ZNF576: variants seen among roughly 807,000 people sequenced by gnomAD.
ZNF576 encodes the protein zinc finger protein 576.
A neutral mutation model predicts 10.8 loss-of-function variants in ZNF576; 9 were observed. The observed-to-expected ratio is 0.84, with a 90% CI of 0.50 to 1.46. ZNF576 has a LOEUF of 1.46. ZNF576 is among the 40% of genes most tolerant of loss of function. The pLI, the probability that ZNF576 is intolerant of heterozygous loss-of-function variation, is 0.00. For synonymous variants in ZNF576, 88 were observed against 89.6 expected, an observed-to-expected ratio of 0.98 and a Z score of 0.10; for missense variants, 191 against 233.7, an observed-to-expected ratio of 0.82 and a Z score of 1.19.
chr19:43,598,926 T>C lies in ZNF576; in HGVS notation c.181T>C (p.Phe61Leu). 6.2e-7 allele frequency: 1 copy of C among 1,613,684 alleles called. No homozygotes were observed. Among genetic ancestry groups the C allele is most frequent in the Non-Finnish European group, 8.5e-7 (1 of 1,179,662 alleles). The stretch of plus-strand genomic sequence containing the variant: ...CATGAAGCGGGAGCACCCAGCGGAC[T>C]TCGTGGCCCAGAAGCTGCAGGGGGT... ...RHMKREHPAD[F>L]VAQKLQGVLF... is the part of the protein sequence containing the mutation. Residue 61 changes from phenylalanine (F) to leucine (L), a missense_variant, in exon 3 of 3, where the codon TTC becomes CTC. Physicochemically the swap from Phe to Leu is conservative, Grantham distance 22. Transcript: ENST00000336564.
At position 43,599,527 on chromosome 19, in the gene ZNF576, GGTTT is replaced by G; in HGVS notation, c.*272_*275del. On this transcript the variant is annotated 3_prime_UTR_variant, in exon 3 of 3. Transcript: ENST00000336564. ...TGGGAAGGGAGTGCGGGAGAGAAAT[GGTTT>G]GTGTCTCCCTTATTCCCAGTTAAAT... 2.1e-6 allele frequency: 1 copy of G among 474,228 alleles called. No individual in the cohort carries two copies. Among genetic ancestry groups the G allele is most frequent in the Non-Finnish European group, 3.7e-6 (1 of 267,008 alleles). The allele number at this position is 474,228 out of a possible 1,614,324, so 29.4% of individuals were successfully genotyped here.
rs752847330 is a variant in ZNF576, at chr19:43,597,182, G to A, written c.74G>A (p.Gly25Glu). The A allele has an allele frequency of 6.2e-7, 1 of 1,614,110 alleles. No individual in the cohort carries two copies. Among genetic ancestry groups the A allele is most frequent in the Non-Finnish European group, 8.5e-7 (1 of 1,179,994 alleles). Reference protein sequence around the residue: ...SPKERSPQSPGGNICHLGAPK... With the variant: ...SPKERSPQSPEGNICHLGAPK... ...AAGGAGAGAAGTCCCCAGAGCCCAG[G>A]AGGCAACATCTGTGAGTACACATGG... Residue 25 changes from glycine to glutamate, a missense_variant, in exon 2 of 3, where the codon GGA (glycine) becomes GAA (glutamate). Coordinates refer to ENST00000336564, the MANE Select transcript of ZNF576 (RefSeq NM_001145347.2).
rs768221403 is a variant in ZNF576, at chr19:43,597,116, A to G, written c.8A>G (p.Asp3Gly). The change falls in exon 2 of 3, where the codon GAC becomes GGC. Residue 3 changes from aspartate to glycine, a missense_variant. By Grantham distance (94) the Asp-to-Gly change is moderately conservative (BLOSUM62 -1). Coordinates refer to ENST00000336564, the MANE Select transcript of ZNF576 (RefSeq NM_001145347.2). The part of the protein sequence containing the change: ME[D>G]PNPEENMKQQ... ...TAGAAGGGTCCCAGCACCATGGAGG[A>G]CCCGAACCCTGAAGAGAACATGAAG... 2 of 1,614,038 alleles carry G rather than the reference A, an allele frequency of 1.2e-6. No individual in the cohort carries two copies. The highest frequency in any genetic ancestry group is 1.6e-4 in the Middle Eastern group (1 of 6,062).
At chr19:43,597,230 G>C in intron 2 of ZNF576, 37 bp downstream of exon 2, 1 of 1,588,106 alleles carries the variant, frequency 6.3e-7, no homozygotes, top group Non-Finnish European at 8.6e-7. Context: ...AGGAGGGTGG[G>C]GTGCAGGAGC....
Position 43,597,228 on chromosome 19 carries a change from G to C in ZNF576, c.85+35G>C, listed in dbSNP as rs199533255. The stretch of plus-strand genomic sequence containing the variant: ...CATGGCTGGCGGGCTAGAGGAGGGT[G>C]GGGTGCAGGAGCTGATGCTAAGATC... On this transcript the variant is annotated intron_variant, in intron 2 of 2. Coordinates refer to ENST00000336564, the MANE Select transcript of ZNF576 (RefSeq NM_001145347.2). 4.5e-3 allele frequency: 7,124 copies of C among 1,591,538 alleles called. 18 individuals carry two copies. The highest frequency in any genetic ancestry group is 5.4e-3 in the Non-Finnish European group (6,229 of 1,159,704).
Position 43,599,013 on chromosome 19 carries a change from C to T in ZNF576, c.268C>T (p.Gln90Ter), listed in dbSNP as rs1973180133. ...CTCCTCCAAAGCCCTAATCACCCAC[C>T]AGCGCAGCCACGGTCCAGCCGCCAA... ...FPSSKALITHQRSHGPAAKPT... is the reference protein window; with the variant it reads ...FPSSKALITH Residue 90 changes from glutamine to a stop codon, truncating the protein, a stop_gained, in exon 3 of 3, where the codon CAG (glutamine) becomes TAG (stop). Transcript: ENST00000336564. LOFTEE classifies it high-confidence loss of function. The T allele has an allele frequency of 3.1e-6, 5 of 1,614,220 alleles. No individual in the cohort carries two copies. Among genetic ancestry groups the T allele is most frequent in the African/African-American group, 1.3e-5 (1 of 75,054 alleles).
In ZNF576 at chr19:43,600,988, T is replaced by A. The variant is rs1426997115; in HGVS notation, c.*1730T>A. On this transcript the variant is annotated 3_prime_UTR_variant, in exon 3 of 3. Transcript: ENST00000336564. ...ACAAGATAGGAGCCTGGGTCTCTCG[T>A]CAATTTCAAGGAGCACAGCCACCAT... 1 of 152,158 alleles carries A rather than the reference T, an allele frequency of 6.6e-6. No individual in the cohort carries two copies. The highest frequency in any genetic ancestry group is 1.5e-5 in the Non-Finnish European group (1 of 68,034). 9.4% of individuals were successfully genotyped at this position (152,158 alleles called of 1,614,324 possible). A position where few individuals can be genotyped will look rare whatever the true frequency, so the allele number is the denominator to read the frequency against.
In ZNF576 at chr19:43,599,309, C is replaced by T; in HGVS notation, c.*51C>T. 1.3e-6 allele frequency: 2 copies of T among 1,558,704 alleles called. No homozygotes were observed. The highest frequency in any genetic ancestry group is 1.7e-6 in the Non-Finnish European group (2 of 1,146,816). ...ACGGGTGGCTCTGTGGCTGGTAGGA[C>T]TCACCCATGATATGGGGTGCAGGAA... On this transcript the variant is annotated 3_prime_UTR_variant, in exon 3 of 3. Coordinates refer to ENST00000336564, the MANE Select transcript of ZNF576 (RefSeq NM_001145347.2).
intron 2 of ZNF576, among the ~76,000 whole-genome samples, chr19:43,597,948 A>G (rs930843757): frequency 6.6e-6 from 1 of 152,160 alleles, no homozygotes; most frequent in Non-Finnish European, 1.5e-5. Flanking sequence ...AATGGTAAAA[A>G]CGACACAGGA....
In ZNF576 at chr19:43,599,033, C is replaced by T. The variant is rs141361120; in HGVS notation, c.288C>T (p.Ala96=). ...CCCACCAGCGCAGCCACGGTCCAGCCGCCAAGCCCACCCTGCCGGTTGCAA... is the reference window on the plus strand; with the variant it reads ...CCCACCAGCGCAGCCACGGTCCAGCTGCCAAGCCCACCCTGCCGGTTGCAA... ...LITHQRSHGP[A]AKPTLPVATT... Residue 96 remains alanine (A), a synonymous_variant, in exon 3 of 3, where the codon GCC becomes GCT. Transcript: ENST00000336564. 61 of 1,614,214 alleles carry T rather than the reference C, an allele frequency of 3.8e-5. No individual in the cohort carries two copies. The highest frequency in any genetic ancestry group is 1.6e-4 in the Middle Eastern group (1 of 6,062).
At position 43,597,209 on chromosome 19, in the gene ZNF576, T is replaced by C. The variant is rs117924949; in HGVS notation, c.85+16T>C. The C allele has an allele frequency of 1.2e-6, 2 of 1,612,628 alleles. No individual in the cohort carries two copies. The highest frequency in any genetic ancestry group is 2.2e-5 in the South Asian group (2 of 91,048). On this transcript the variant is annotated intron_variant, in intron 2 of 2. Transcript: ENST00000336564. ...GGCAACATCTGTGAGTACACATGGC[T>C]GGCGGGCTAGAGGAGGGTGGGGTGC... is the stretch of plus-strand genomic sequence containing the variant.
In ZNF576 at chr19:43,600,826, G is replaced by A. The variant is rs549595368; in HGVS notation, c.*1568G>A. 1 of 152,334 alleles carries A rather than the reference G, an allele frequency of 6.6e-6. No homozygotes were observed. The highest frequency in any genetic ancestry group is 2.4e-5 in the African/African-American group (1 of 41,540). The allele number at this position is 152,334 out of a possible 1,614,324, so 9.4% of individuals were successfully genotyped here. ...ATCGTGCCATTGCACTTCAGCCTGG[G>A]TGACAGAGTGAGACTGTTTAAAAAA... On this transcript the variant is annotated 3_prime_UTR_variant, in exon 3 of 3. Transcript: ENST00000336564.
rs1973183164 is a variant in ZNF576, at chr19:43,599,179, G to T, written c.434G>T (p.Cys145Phe). The change falls in exon 3 of 3, where the codon TGC (cysteine) becomes TTC (phenylalanine). Residue 145 changes from cysteine to phenylalanine, a missense_variant. Transcript: ENST00000336564. The part of the protein sequence containing the change: ...EVRAPPGTFA[C>F]TECGQDFAQE... ...CGTGCCCCTCCTGGCACCTTCGCCT[G>T]CACAGAGTGCGGTCAGGACTTTGCT... 5 of 1,614,258 alleles carry T rather than the reference G, an allele frequency of 3.1e-6. No individual in the cohort carries two copies. Among genetic ancestry groups the T allele is most frequent in the Non-Finnish European group, 4.2e-6 (5 of 1,180,038 alleles).
At position 43,599,703 on chromosome 19, in the gene ZNF576, A is replaced by G. The variant is rs1973190321; in HGVS notation, c.*445A>G. 1 of 159,022 alleles carries G rather than the reference A, an allele frequency of 6.3e-6. No homozygotes were observed. The highest frequency in any genetic ancestry group is 1.4e-5 in the Non-Finnish European group (1 of 72,690). The allele number at this position is 159,022 out of a possible 1,614,324, so 9.9% of individuals were successfully genotyped here. A position where few individuals can be genotyped will look rare whatever the true frequency, so the allele number is the denominator to read the frequency against. ...TGTAATGCCACCAGGTGAGTTCCAG[A>G]TGTGGAGCAACTTGGGCTTTTGGGG... On this transcript the variant is annotated 3_prime_UTR_variant, in exon 3 of 3. Coordinates refer to ENST00000336564, the MANE Select transcript of ZNF576 (RefSeq NM_001145347.2).
In ZNF576 at chr19:43,599,365, C is replaced by G; in HGVS notation, c.*107C>G. 2 of 1,197,932 alleles carry G rather than the reference C, an allele frequency of 1.7e-6. No individual in the cohort carries two copies. Among genetic ancestry groups the G allele is most frequent in the Non-Finnish European group, 2.3e-6 (2 of 869,718 alleles). 74.2% of individuals were successfully genotyped at this position (1,197,932 alleles called of 1,614,324 possible). ...GGGGCCCTGAAGGATTTGCTTCCCTCCCCTGGGAAGGCAGAGGGCTCTTAA... is the reference window on the plus strand; with the variant it reads ...GGGGCCCTGAAGGATTTGCTTCCCTGCCCTGGGAAGGCAGAGGGCTCTTAA... On this transcript the variant is annotated 3_prime_UTR_variant, in exon 3 of 3. Transcript: ENST00000336564.
rs377487192 is a variant in ZNF576, at chr19:43,600,266, G to A, written c.*1008G>A. The stretch of plus-strand genomic sequence containing the variant: ...CAACAGGCTGGAGGGAGCAGTGGGT[G>A]TCACCCTCAACTGGAGATGAGTCCC... On this transcript the variant is annotated 3_prime_UTR_variant, in exon 3 of 3. Transcript: ENST00000336564. 3 of 152,368 alleles carry A rather than the reference G, an allele frequency of 2.0e-5. No individual in the cohort carries two copies. In the East Asian group the frequency reaches 5.8e-4, roughly 29 times the overall value. 9.4% of individuals were successfully genotyped at this position (152,368 alleles called of 1,614,324 possible).
chr19:43,599,158 C>G lies in ZNF576; in HGVS notation c.413C>G (p.Ala138Gly). The G allele has an allele frequency of 1.2e-6, 2 of 1,614,270 alleles. No individual in the cohort carries two copies. The highest frequency in any genetic ancestry group is 1.7e-6 in the Non-Finnish European group (2 of 1,180,054). Residue 138 changes from alanine to glycine, a missense_variant, in exon 3 of 3, where the codon GCC becomes GGC. Coordinates refer to ENST00000336564, the MANE Select transcript of ZNF576 (RefSeq NM_001145347.2). ...RRHRQMHEVRAPPGTFACTEC... is the reference protein window; with the variant it reads ...RRHRQMHEVRGPPGTFACTEC... The stretch of plus-strand genomic sequence containing the variant: ...CACCGCCAGATGCATGAGGTCCGTG[C>G]CCCTCCTGGCACCTTCGCCTGCACA...
chr19:43,599,067 G>C lies in ZNF576; in HGVS notation c.322G>C (p.Ala108Pro). 6.2e-7 allele frequency: 1 copy of C among 1,614,156 alleles called. No individual in the cohort carries two copies. The highest frequency in any genetic ancestry group is 1.3e-5 in the African/African-American group (1 of 75,020). ...CACCCTGCCGGTTGCAACCACTACTGCCCAGCCCACCTTCCCTTGTCCTGA... is the reference window on the plus strand; with the variant it reads ...CACCCTGCCGGTTGCAACCACTACTCCCCAGCCCACCTTCCCTTGTCCTGA... ...KPTLPVATTT[A>P]QPTFPCPDCG... Residue 108 changes from alanine (A) to proline (P), a missense_variant, in exon 3 of 3, where the codon GCC becomes CCC. Transcript: ENST00000336564.
chr19:43,599,194 AG>A lies in ZNF576; in HGVS notation c.451del (p.Asp151ThrfsTer41). On this transcript the variant is annotated frameshift_variant, in exon 3 of 3. Transcript: ENST00000336564. LOFTEE classifies it high-confidence loss of function. ...ACCTTCGCCTGCACAGAGTGCGGTC[AG>A]GACTTTGCTCAGGAAGCAGGGCTGC... ...PGTFACTECG[Q>X]DFAQEAGLHQ... 6.2e-7 allele frequency: 1 copy of A among 1,614,250 alleles called. No homozygotes were observed. Among genetic ancestry groups the A allele is most frequent in the Non-Finnish European group, 8.5e-7 (1 of 1,180,038 alleles).
Sources: gnomAD v4.1 joint callset for allele counts (sites outside exome capture counted in the v4.1 genomes callset) on GRCh38, gnomAD v4.1.1 for gene constraint, MANE v1.5 for transcripts, NCBI Gene and HGNC (gene_info 2026-07-23, HGNC 2026-07-21) for gene names.